SRGAP3: variants seen among roughly 807,000 people sequenced by gnomAD.
SRGAP3 encodes the protein SLIT-ROBO Rho GTPase activating protein 3, also known as SLIT-ROBO Rho GTPase-activating protein 3.
A neutral mutation model predicts 121.1 loss-of-function variants in SRGAP3; 39 were observed. The ratio of observed to expected loss-of-function variants is 0.32; its 90% CI spans 0.25 to 0.42. The LOEUF (loss-of-function observed/expected upper bound fraction) is 0.42. SRGAP3 is among the 10% of genes least tolerant of loss of function. The pLI, the probability that SRGAP3 is intolerant of heterozygous loss-of-function variation, is 1.00. For synonymous variants in SRGAP3, 601 were observed against 570.0 expected (o/e 1.05, Z -0.77); for missense variants, 1,213 against 1,470.6 (o/e 0.82, Z 2.86).
At chr3:9,282,549 G>A (rs1206462702) in intron 3 of SRGAP3, among the ~76,000 whole-genome samples, 5 of 152,020 alleles carry the variant, frequency 3.3e-5, no homozygotes, top group African/African-American at 1.2e-4. Flanking sequence ...GGAGTGCAGT[G>A]GTGAGATCTC....
At chr3:9,203,616 G>C (rs1018964490) in intron 1 of SRGAP3, among the ~76,000 whole-genome samples, 17 of 152,186 alleles carry the variant, frequency 1.1e-4, no homozygotes, top group Non-Finnish European at 1.5e-4. Context: ...CCTCTAAATT[G>C]CAATTGTCTG....
intron 1 of SRGAP3, among the ~76,000 whole-genome samples, chr3:9,179,608 C>A (rs1951304573): frequency 6.6e-6 from 1 of 152,182 alleles, no homozygotes; most frequent in Non-Finnish European, 1.5e-5. Flanking sequence ...AGTTCTCATT[C>A]CTGCTCCTGC....
intron 3 of SRGAP3, among the ~76,000 whole-genome samples, chr3:9,304,635 A>C (rs1208909947): frequency 6.6e-6 from 1 of 152,120 alleles, no homozygotes; most frequent in African/African-American, 2.4e-5. Flanking sequence ...TGCTGTTGTC[A>C]GTGAGGGATA....
At chr3:9,308,479 A>G (rs1397585287) in intron 3 of SRGAP3, among the ~76,000 whole-genome samples, 1 of 152,218 alleles carries the variant, frequency 6.6e-6, no homozygotes, top group Non-Finnish European at 1.5e-5. Context: ...AGGGCCTGCC[A>G]GATCTTTTTA....
At chr3:9,266,601 A>G (rs1274874174) in intron 3 of SRGAP3, among the ~76,000 whole-genome samples, 1 of 151,422 alleles carries the variant, frequency 6.6e-6, no homozygotes, top group Admixed American at 6.6e-5. Flanking sequence ...TCCACTCCCC[A>G]CTCTCACTGG....
chr3:9,108,745 G>T (rs752804758), intron 2 of SRGAP3, among the ~76,000 whole-genome samples: 13 of 152,210 alleles, frequency 8.5e-5, no homozygotes, highest in Non-Finnish European at 1.5e-4. Flanking sequence ...AGGGATGGAT[G>T]GGTAGGTGGG....
chr3:8,994,242 A>G, intron 19 of SRGAP3, 101 bp downstream of exon 19: 1 of 1,459,050 alleles, frequency 6.9e-7, no homozygotes, highest in Non-Finnish European at 9.5e-7. Context: ...TATCAAGGAG[A>G]GCAAATTGCT....
intron 1 of SRGAP3, among the ~76,000 whole-genome samples, chr3:9,126,458 T>C (rs2543492): frequency 0.74 from 112,503 of 151,904 alleles, 41,737 homozygotes; most frequent in African/African-American, 0.78. Context: ...AGTGAAACCC[T>C]GTCTCTACTA....
intron 1 of SRGAP3, among the ~76,000 whole-genome samples, chr3:9,168,400 G>C (rs867457801): frequency 1.3e-5 from 2 of 152,324 alleles, no homozygotes; most frequent in Middle Eastern, 3.4e-3. Flanking sequence ...GCTCAGGACT[G>C]GAGCTGAGGC....
At chr3:9,074,747 A>C (rs1946880247) in intron 4 of SRGAP3, among the ~76,000 whole-genome samples, 1 of 152,232 alleles carries the variant, frequency 6.6e-6, no homozygotes, top group Non-Finnish European at 1.5e-5. Context: ...CTGTTGGCCC[A>C]GAGTTGATGT....
chr3:9,020,431 C>T (rs927829436), intron 14 of SRGAP3, among the ~76,000 whole-genome samples: 5 of 152,032 alleles, frequency 3.3e-5, no homozygotes, highest in Non-Finnish European at 5.9e-5. Flanking sequence ...CCTCTCTATC[C>T]CTGTAGCAGC....
intron 19 of SRGAP3, chr3:8,994,078 C>T (rs925032808): frequency 2.0e-6 from 1 of 500,822 alleles, no homozygotes; most frequent in African/African-American, 1.9e-5. Flanking sequence ...TGATGGCACT[C>T]CCTGGGGGCT....
chr3:9,053,268 C>T (rs1187109994), intron 8 of SRGAP3, 44 bp from the exon 9 acceptor site: 1 of 1,577,426 alleles, frequency 6.3e-7, no homozygotes, highest in South Asian at 1.1e-5. Flanking sequence ...TATTCTCATA[C>T]TGCCGTTGAC....
chr3:9,200,991 G>A (rs957882349), intron 1 of SRGAP3, among the ~76,000 whole-genome samples: 1 of 152,208 alleles, frequency 6.6e-6, no homozygotes, highest in East Asian at 1.9e-4. Flanking sequence ...GGGAGGCCCT[G>A]GAGCAGAGGA....
chr3:9,012,293 C>A (rs182639411), intron 17 of SRGAP3, among the ~76,000 whole-genome samples: 8 of 152,308 alleles, frequency 5.3e-5, no homozygotes, highest in Admixed American at 4.6e-4. Flanking sequence ...CCTGTAGGCA[C>A]CTGGCTGAAG....
chr3:9,131,642 A>T lies in SRGAP3; in HGVS notation c.68-6725T>A, dbSNP rs144338193. Among the ~76,000 whole-genome samples the T allele has an allele frequency of 2.0e-4, 31 of 152,002 alleles. 1 individual carries two copies. In the East Asian group the frequency reaches 5.6e-3, roughly 28 times the overall value. On this transcript the variant is annotated intron_variant, in intron 1 of 21. Transcript: ENST00000383836. ...TTTTTAGTAGAAACGGGGTTTCACC[A>T]TGTTGGCCAGGATGGTCTTGAACCC...
intron 1 of SRGAP3, among the ~76,000 whole-genome samples, chr3:9,185,091 T>C (rs1469878318): frequency 6.6e-6 from 1 of 152,172 alleles, no homozygotes; most frequent in Non-Finnish European, 1.5e-5. Flanking sequence ...TCTTCCCACA[T>C]TATTAGAGTC....
intron 2 of SRGAP3, among the ~76,000 whole-genome samples, chr3:9,113,057 G>A (rs1258482981): frequency 6.6e-6 from 1 of 152,216 alleles, no homozygotes; most frequent in Non-Finnish European, 1.5e-5. Flanking sequence ...AGTGAGTGTG[G>A]CCAGAGGGCA....
intron 20 of SRGAP3, chr3:8,992,511 C>A (rs1056950781): frequency 1.1e-5 from 4 of 374,474 alleles, no homozygotes; most frequent in Admixed American, 4.1e-5. Flanking sequence ...GTTTATGTAG[C>A]GCGTTTCAGG....
Sources: gnomAD v4.1 joint callset for allele counts (sites outside exome capture counted in the v4.1 genomes callset) on GRCh38, gnomAD v4.1.1 for gene constraint, MANE v1.5 for transcripts, NCBI Gene and HGNC (gene_info 2026-07-23, HGNC 2026-07-21) for gene names.